Variants in TRPM8 observed in about 807,000 individuals in gnomAD.
TRPM8 encodes transient receptor potential cation channel subfamily M member 8.
TRPM8 carries 110 observed loss-of-function variants against 133.7 expected under a neutral mutation model. The ratio of observed to expected loss-of-function variants is 0.82; its 90% CI spans 0.70 to 0.96. The LOEUF (loss-of-function observed/expected upper bound fraction) is 0.96, where lower values mean the gene tolerates loss of function less well. Among genes scored for constraint, TRPM8 ranks in the 40% least tolerant of loss-of-function variants. The pLI is 0.00. For synonymous variants in TRPM8, 535 were observed against 532.3 expected (o/e 1.01, Z -0.07); for missense variants, 1,291 against 1,379.5 (o/e 0.94, Z 1.02).
intron 22 of TRPM8, among the ~76,000 whole-genome samples, chr2:233,997,353 T>G (rs1692434426): frequency 6.6e-6 from 1 of 152,122 alleles, no homozygotes; most frequent in Non-Finnish European, 1.5e-5. Flanking sequence ...GAGGTGAGAC[T>G]CCTCCTCCCT....
At chr2:233,978,056 A>G (rs1691911985) in intron 17 of TRPM8, among the ~76,000 whole-genome samples, 1 of 148,764 alleles carries the variant, frequency 6.7e-6, no homozygotes, top group African/African-American at 2.5e-5. Context: ...ATGGAATCCT[A>G]CTGTGTTCAT....
At chr2:233,963,943 C>A (rs1422222693) in intron 13 of TRPM8, among the ~76,000 whole-genome samples, 1 of 152,180 alleles carries the variant, frequency 6.6e-6, no homozygotes, top group Non-Finnish European at 1.5e-5. Context: ...GTGAATTAGA[C>A]CTCCCACTAT....
chr2:233,969,480 T>TC (rs1386853818), intron 15 of TRPM8, among the ~76,000 whole-genome samples: 1 of 151,918 alleles, frequency 6.6e-6, no homozygotes, highest in Non-Finnish European at 1.5e-5. Context: ...AGCGTGAAAC[T>TC]CCGTCTCAAG....
At chr2:233,943,068 T>A in intron 6 of TRPM8, 22 of 83,248 alleles carry the variant, frequency 2.6e-4, no homozygotes, top group Middle Eastern at 4.8e-3. Context: ...CTGCAGTATC[T>A]TTTTTTTTTT....
chr2:233,938,883 C>A, intron 4 of TRPM8, 115 bp from the exon 5 acceptor site: 1 of 1,225,364 alleles, frequency 8.2e-7, no homozygotes. Flanking sequence ...CTGCCCCCAC[C>A]CCGCCCCTCT....
At chr2:233,977,224 G>C (rs965600276) in intron 17 of TRPM8, among the ~76,000 whole-genome samples, 12 of 152,166 alleles carry the variant, frequency 7.9e-5, no homozygotes, top group Admixed American at 4.6e-4. Flanking sequence ...ATTTAAAATG[G>C]ATGAGTCCCA....
At position 233,996,400 on chromosome 2, in the gene TRPM8, A is replaced by G. The variant is rs1692403797; in HGVS notation, c.3014A>G (p.Tyr1005Cys). The change falls in exon 22 of 26, where the codon TAC becomes TGC. Residue 1005 changes from tyrosine to cysteine, a missense_variant. This residue lies in a region of TRPM8 where 328 missense variants were observed against 410.6 expected (regional missense o/e 0.80). Transcript: ENST00000324695. ...CAGAGGTACTTCCTGGTGCAGGAGT[A>G]CTGCAGCCGCCTCAATATCCCCTTC... ...KFQRYFLVQE[Y>C]CSRLNIPFPF... The G allele has an allele frequency of 6.2e-7, 1 of 1,614,054 alleles. No individual in the cohort carries two copies. The highest frequency in any genetic ancestry group is 1.3e-5 in the African/African-American group (1 of 74,930).
intron 24 of TRPM8, among the ~76,000 whole-genome samples, chr2:234,008,935 G>A (rs1223562676): frequency 6.6e-6 from 1 of 152,122 alleles, no homozygotes; most frequent in African/African-American, 2.4e-5. Context: ...AAAAATCTAG[G>A]CAGTAGTTGG....
chr2:233,982,854 CT>C (rs1357765601), intron 19 of TRPM8, among the ~76,000 whole-genome samples, 198 bp from the exon 20 acceptor site: 1 of 152,174 alleles, frequency 6.6e-6, no homozygotes, highest in African/African-American at 2.4e-5. Context: ...CCGGTTTTAA[CT>C]CTGGAAGATA....
chr2:233,988,578 A>G (rs1033844041), intron 21 of TRPM8, among the ~76,000 whole-genome samples: 2 of 152,238 alleles, frequency 1.3e-5, no homozygotes, highest in Non-Finnish European at 1.5e-5. Flanking sequence ...AGAAGCACCA[A>G]TGGTGAGTAA....
At chr2:233,941,278 G>A (rs1380155160) in intron 5 of TRPM8, among the ~76,000 whole-genome samples, 1 of 152,190 alleles carries the variant, frequency 6.6e-6, no homozygotes, top group African/African-American at 2.4e-5. Flanking sequence ...TTAAAAGCAA[G>A]CAAGGCAGGT....
At chr2:233,997,454 C>A (rs948470808) in intron 22 of TRPM8, among the ~76,000 whole-genome samples, 3 of 152,094 alleles carry the variant, frequency 2.0e-5, no homozygotes, top group Admixed American at 6.5e-5. Context: ...GGGGACTGAC[C>A]CTCCACAGCT....
At chr2:233,975,306 G>C (rs1183055889) in intron 17 of TRPM8, among the ~76,000 whole-genome samples, 1 of 152,202 alleles carries the variant, frequency 6.6e-6, no homozygotes, top group Admixed American at 6.5e-5. Flanking sequence ...GCCCTGGAGT[G>C]GCCATGGTAA....
intron 17 of TRPM8, among the ~76,000 whole-genome samples, chr2:233,971,669 A>C (rs954833163): frequency 1.3e-5 from 2 of 151,278 alleles, no homozygotes; most frequent in African/African-American, 4.9e-5. Context: ...TGATGTTCGG[A>C]TGTGTTCGGA....
chr2:233,926,836 A>G (rs568363476), intron 2 of TRPM8, among the ~76,000 whole-genome samples, 182 bp downstream of exon 2: 1 of 152,162 alleles, frequency 6.6e-6, no homozygotes, highest in African/African-American at 2.4e-5. Flanking sequence ...TCCCTTCTCC[A>G]GCTCTATGGC....
intron 20 of TRPM8, 77 bp downstream of exon 20, chr2:233,983,301 G>A (rs112097298): frequency 2.3e-5 from 36 of 1,560,122 alleles, no homozygotes; most frequent in Middle Eastern, 1.7e-4. Flanking sequence ...GGGCTGCCCC[G>A]GAGACCGCAC....
intron 20 of TRPM8, among the ~76,000 whole-genome samples, chr2:233,984,396 C>T (rs1003353898): frequency 6.6e-6 from 1 of 152,088 alleles, no homozygotes; most frequent in Admixed American, 6.5e-5. Flanking sequence ...GTCTTGATGC[C>T]CACTTCCAGA....
In TRPM8 at chr2:233,937,380, C is replaced by G; in HGVS notation, c.219C>G (p.Ala73=). The G allele has an allele frequency of 1.1e-5, 17 of 1,614,044 alleles. No individual in the cohort carries two copies. Among genetic ancestry groups the G allele is most frequent in the Non-Finnish European group, 1.4e-5 (17 of 1,180,006 alleles). ...AGAATGTGTGCAAGTGTGGCTATGC[C>G]CAGAGCCAGCACATGGAAGGCACCC... is the stretch of plus-strand genomic sequence containing the variant. The part of the protein sequence containing the change: ...ATENVCKCGY[A]QSQHMEGTQI... The change falls in exon 4 of 26, where the codon GCC becomes GCG. Residue 73 remains alanine (A), a synonymous_variant. Transcript: ENST00000324695.
rs76658585 is a variant in TRPM8, at chr2:233,927,180, T to G, written c.117+526T>G. Among the ~76,000 whole-genome samples the G allele has an allele frequency of 7.2e-4, 109 of 152,316 alleles. 1 individual carries two copies. The East Asian group carries it at 0.018, about 25-fold the overall frequency. ...AAGAAATTAAGACAACATTCCAGCC[T>G]GACATCCAGTTCTCATGGACTACAG... On this transcript the variant is annotated intron_variant, in intron 2 of 25. Transcript: ENST00000324695.
Sources: allele counts gnomAD v4.1 joint callset (sites outside exome capture counted in the v4.1 genomes callset), GRCh38; gene constraint gnomAD v4.1.1; regional missense constraint gnomAD v4.1.1; transcripts MANE v1.5; gene names NCBI Gene and HGNC (gene_info 2026-07-23, HGNC 2026-07-21).